The following RGS17 variants were observed in gnomAD, a reference collection of about 807,000 sequenced individuals.
RGS17 encodes regulator of G-protein signaling 17.
In RGS17, 12 loss-of-function variants were observed where a neutral mutation model predicts 25.5. The ratio of observed to expected loss-of-function variants is 0.47; its 90% CI spans 0.30 to 0.76. The LOEUF is 0.76. RGS17 is among the 30% of genes least tolerant of loss of function. The pLI, the probability that RGS17 is intolerant of heterozygous loss-of-function variation, is 0.07. For missense variants in RGS17, 196 were observed against 242.2 expected (o/e 0.81, Z 1.27); for synonymous variants, 71 against 76.9 (o/e 0.92, Z 0.40).
intron 4 of RGS17, among the ~76,000 whole-genome samples, chr6:153,023,230 C>T (rs1355507798): frequency 2.0e-5 from 3 of 152,100 alleles, no homozygotes; most frequent in Non-Finnish European, 4.4e-5. Flanking sequence ...TGGGACCATG[C>T]CAGGTATTGG....
At chr6:153,066,261 A>G (rs372927911) in intron 1 of RGS17, among the ~76,000 whole-genome samples, 7 of 152,150 alleles carry the variant, frequency 4.6e-5, no homozygotes, top group African/African-American at 1.4e-4. Flanking sequence ...GATGAGGAGA[A>G]AAGGGGGAAC....
intron 1 of RGS17, among the ~76,000 whole-genome samples, chr6:153,053,072 G>A (rs904073833): frequency 6.6e-6 from 1 of 152,148 alleles, no homozygotes; most frequent in Non-Finnish European, 1.5e-5. Context: ...AATTTCTGTT[G>A]TTAAGTTATC....
chr6:153,121,782 T>C (rs1174451900), intron 1 of RGS17, among the ~76,000 whole-genome samples: 2 of 152,200 alleles, frequency 1.3e-5, no homozygotes, highest in East Asian at 1.9e-4. Flanking sequence ...ATCAATGTGA[T>C]TGAATTTCAG....
chr6:153,046,104 C>T (rs576843691), intron 1 of RGS17, among the ~76,000 whole-genome samples: 10 of 152,164 alleles, frequency 6.6e-5, no homozygotes, highest in African/African-American at 2.2e-4. Context: ...AAGTTAAATA[C>T]CACATATTCT....
intron 1 of RGS17, among the ~76,000 whole-genome samples, chr6:153,090,085 C>T (rs140887060): frequency 8.1e-4 from 124 of 152,202 alleles, no homozygotes; most frequent in Middle Eastern, 3.4e-3. Flanking sequence ...TTTTCCTTTT[C>T]ATAACTGCTA....
In RGS17 at chr6:153,109,451, AT is replaced by A. The variant is rs752200263; in HGVS notation, c.-26+21672del. Reference sequence around the variant, plus strand: ...ATCCTCTTGTGGAACAATCTAACAAATTATAGTCAGGAAAGTCTTTGCTTAC... The same window carrying A: ...ATCCTCTTGTGGAACAATCTAACAAATATAGTCAGGAAAGTCTTTGCTTAC... On this transcript the variant is annotated intron_variant, in intron 1 of 4. Transcript: ENST00000206262. Among the ~76,000 whole-genome samples, 10 of 152,226 alleles carry A rather than the reference AT, an allele frequency of 6.6e-5. 1 individual carries two copies. The highest frequency in any genetic ancestry group is 1.3e-4 in the Non-Finnish European group (9 of 68,038).
chr6:153,100,753 A>C (rs1777290485), intron 1 of RGS17, among the ~76,000 whole-genome samples: 1 of 152,208 alleles, frequency 6.6e-6, no homozygotes, highest in Admixed American at 6.5e-5. Context: ...AATTTGGCTT[A>C]AAGCTTTCCC....
chr6:153,030,665 A>G (rs1779352239), intron 2 of RGS17, among the ~76,000 whole-genome samples: 3 of 152,206 alleles, frequency 2.0e-5, no homozygotes, highest in Admixed American at 6.5e-5. Flanking sequence ...CTGAAAATGA[A>G]TTGGTAGATT....
chr6:153,068,572 C>T (rs1250732591), intron 1 of RGS17, among the ~76,000 whole-genome samples: 1 of 152,108 alleles, frequency 6.6e-6, no homozygotes, highest in Non-Finnish European at 1.5e-5. Context: ...ATCCCACAAG[C>T]ATAGGCAACC....
intron 4 of RGS17, among the ~76,000 whole-genome samples, chr6:153,020,140 T>TATATA (rs1779232815): frequency 2.7e-4 from 5 of 18,222 alleles, no homozygotes; most frequent in Non-Finnish European, 4.7e-4. Context: ...ATATATATAT[T>TATATA]TTTTTTTTTT....
rs1166445528 is a variant in RGS17, at chr6:153,006,823, A to G, written c.*4751T>C. 1 of 152,350 alleles carries G rather than the reference A, an allele frequency of 6.6e-6. No homozygotes were observed. Among genetic ancestry groups the G allele is most frequent in the East Asian group, 1.9e-4 (1 of 5,190 alleles). 9.4% of individuals were successfully genotyped at this position (152,350 alleles called of 1,614,324 possible). On this transcript the variant is annotated 3_prime_UTR_variant, in exon 5 of 5. Transcript: ENST00000206262. ...AGATGAGGAAATGAACTCAGAGAAGATAAATGATTTGCCCAAAGTCACATG... is the reference window on the plus strand; with the variant it reads ...AGATGAGGAAATGAACTCAGAGAAGGTAAATGATTTGCCCAAAGTCACATG...
At chr6:153,026,379 T>G (rs938603509) in intron 3 of RGS17, 75 bp downstream of exon 3, 26 of 996,382 alleles carry the variant, frequency 2.6e-5, no homozygotes, top group Admixed American at 2.2e-4. Context: ...AAGCAAGGGG[T>G]AATACTGAGG....
intron 1 of RGS17, among the ~76,000 whole-genome samples, chr6:153,072,535 A>G (rs1394996295): frequency 6.6e-6 from 1 of 152,240 alleles, no homozygotes; most frequent in African/African-American, 2.4e-5. Flanking sequence ...CTGGATGTCC[A>G]GTTAATATCC....
chr6:153,043,900 C>G lies in RGS17; in HGVS notation c.119G>C (p.Cys40Ser). The change falls in exon 2 of 5, where the codon TGC (cysteine) becomes TCC (serine). Residue 40 changes from cysteine (C) to serine (S), a missense_variant and splice_region_variant. Around this residue, in one of 2 missense-constraint regions of RGS17, gnomAD observed 179 missense variants for 197.6 expected, o/e 0.91. Transcript: ENST00000206262. ...GCATCCTACAGGTAACATGACATAC[C>G]AGGAGCAGCTGCAACAACAGCACCA... is the stretch of plus-strand genomic sequence containing the variant. ...FCWCCCCSCS[C>S]LTVRNEERGE... The G allele has an allele frequency of 6.2e-7, 1 of 1,602,376 alleles. No homozygotes were observed. The highest frequency in any genetic ancestry group is 8.5e-7 in the Non-Finnish European group (1 of 1,172,446).
Position 153,021,259 on chromosome 6 carries a change from G to A in RGS17, c.444+3003C>T, listed in dbSNP as rs186650637. On this transcript the variant is annotated intron_variant, in intron 4 of 4. Transcript: ENST00000206262. ...AATATTAGTCCAGTGCTCTAATTCC[G>A]GTATAATCAGGACTCTCTCAATCTG... 7.9e-5 allele frequency among the ~76,000 whole-genome samples: 12 copies of A among 152,196 alleles called. 1 individual carries two copies. The highest frequency in any genetic ancestry group is 5.2e-4 in the Admixed American group (8 of 15,274).
chr6:153,107,527 T>C (rs1469916645), intron 1 of RGS17, among the ~76,000 whole-genome samples: 1 of 134,682 alleles, frequency 7.4e-6, no homozygotes, highest in African/African-American at 2.7e-5. Context: ...GTAATGAATG[T>C]TTTATGCTGT....
intron 4 of RGS17, among the ~76,000 whole-genome samples, chr6:153,016,455 G>T (rs965966805): frequency 6.6e-6 from 1 of 151,996 alleles, no homozygotes; most frequent in African/African-American, 2.4e-5. Context: ...AAAAGGGGGG[G>T]TCATTTACTT....
intron 2 of RGS17, among the ~76,000 whole-genome samples, chr6:153,033,542 A>G (rs1448257448): frequency 1.3e-5 from 2 of 151,958 alleles, no homozygotes; most frequent in African/African-American, 2.4e-5. Flanking sequence ...ACATGGTGAA[A>G]CCCTGTCTCT....
intron 1 of RGS17, among the ~76,000 whole-genome samples, chr6:153,095,269 A>G (rs887254833): frequency 8.5e-5 from 13 of 152,162 alleles, no homozygotes; most frequent in Non-Finnish European, 4.4e-5. Context: ...TGGATATTGA[A>G]GATAGTCTAT....
Sources: allele counts gnomAD v4.1 joint callset (sites outside exome capture counted in the v4.1 genomes callset), GRCh38; gene constraint gnomAD v4.1.1; regional missense constraint gnomAD v4.1.1; transcripts MANE v1.5; gene names NCBI Gene and HGNC (gene_info 2026-07-23, HGNC 2026-07-21).